The following RGS7BP variants were observed in gnomAD, a reference collection of about 807,000 sequenced individuals.
RGS7BP encodes regulator of G protein signaling 7-binding protein.
Under a neutral mutation model 31.3 loss-of-function variants are expected in RGS7BP, and 9 were observed. The observed-to-expected ratio is 0.29, with a 90% CI of 0.17 to 0.50. RGS7BP has a LOEUF of 0.50. Ranked by LOEUF, RGS7BP falls within the 20% of genes least tolerant of loss-of-function variation. The pLI, the probability that RGS7BP is intolerant of heterozygous loss-of-function variation, is 0.98. For synonymous variants in RGS7BP, 115 were observed against 120.1 expected (o/e 0.96, Z 0.28); for missense variants, 274 against 322.0 (o/e 0.85, Z 1.14).
intron 2 of RGS7BP, among the ~76,000 whole-genome samples, chr5:64,521,008 C>T (rs1326209508): frequency 6.6e-6 from 1 of 152,226 alleles, no homozygotes; most frequent in Non-Finnish European, 1.5e-5. Context: ...TCCGCAAGAG[C>T]TCCTGTTCTC....
At chr5:64,546,398 A>C (rs1199445101) in intron 2 of RGS7BP, among the ~76,000 whole-genome samples, 1 of 152,138 alleles carries the variant, frequency 6.6e-6, no homozygotes, top group African/African-American at 2.4e-5. Flanking sequence ...AGACAGCGTC[A>C]CAGAAGCAAG....
chr5:64,564,032 A>G (rs1742113053), intron 2 of RGS7BP, among the ~76,000 whole-genome samples: 1 of 152,176 alleles, frequency 6.6e-6, no homozygotes. Context: ...TGTTAGTGTT[A>G]GCATCACTCT....
chr5:64,534,066 A>G (rs1749442652), intron 2 of RGS7BP, among the ~76,000 whole-genome samples: 1 of 152,208 alleles, frequency 6.6e-6, no homozygotes, highest in Non-Finnish European at 1.5e-5. Context: ...TGGGTGGAGG[A>G]AAAGAGCAGC....
chr5:64,567,860 T>G (rs1008493258), intron 2 of RGS7BP, among the ~76,000 whole-genome samples: 44 of 152,284 alleles, frequency 2.9e-4, no homozygotes, highest in African/African-American at 1.0e-3. Context: ...TTCGATATAA[T>G]GAAAATTAAC....
In RGS7BP at chr5:64,599,280, A is replaced by G. The variant is rs547658997; in HGVS notation, c.682+845A>G. On this transcript the variant is annotated intron_variant, in intron 5 of 5. Coordinates refer to ENST00000334025, the MANE Select transcript of RGS7BP (RefSeq NM_001029875.3). The stretch of plus-strand genomic sequence containing the variant: ...CAGCCACAGGTGAAGTACCAACTTC[A>G]GAGGATGGTACATAGAGGTGGAGAA... Among the ~76,000 whole-genome samples, 9 of 152,348 alleles carry G rather than the reference A, an allele frequency of 5.9e-5. 1 individual carries two copies. The East Asian group carries it at 1.3e-3, about 23-fold the overall frequency.
intron 2 of RGS7BP, among the ~76,000 whole-genome samples, chr5:64,520,151 G>T (rs1749071374): frequency 6.6e-6 from 1 of 152,170 alleles, no homozygotes; most frequent in Admixed American, 6.5e-5. Flanking sequence ...CAAGATGTTT[G>T]GTGGAGCTGG....
intron 2 of RGS7BP, among the ~76,000 whole-genome samples, chr5:64,515,980 T>A (rs944662094): frequency 2.6e-5 from 4 of 152,000 alleles, no homozygotes; most frequent in Non-Finnish European, 5.9e-5. Flanking sequence ...TTTAAAAACT[T>A]ATTATAGAGA....
At chr5:64,603,292 C>T (rs1343066428) in intron 5 of RGS7BP, among the ~76,000 whole-genome samples, 1 of 152,120 alleles carries the variant, frequency 6.6e-6, no homozygotes, top group Non-Finnish European at 1.5e-5. Flanking sequence ...GAGTAAATAA[C>T]GATGTTGGTC....
At chr5:64,524,410 G>T (rs1749181668) in intron 2 of RGS7BP, among the ~76,000 whole-genome samples, 1 of 152,164 alleles carries the variant, frequency 6.6e-6, no homozygotes, top group Non-Finnish European at 1.5e-5. Context: ...AGAAATGTGG[G>T]TATTACCGCG....
At chr5:64,539,751 T>C (rs553846932) in intron 2 of RGS7BP, 5 of 152,336 alleles carry the variant, frequency 3.3e-5, no homozygotes, top group South Asian at 2.1e-4. Context: ...CACCTGTGAA[T>C]AGCCACTGCA....
At chr5:64,598,315 C>A (rs752166851) in intron 4 of RGS7BP, 50 bp from the exon 5 acceptor site, 2 of 1,089,866 alleles carry the variant, frequency 1.8e-6, no homozygotes, top group East Asian at 4.7e-5. Flanking sequence ...TTTGAGATTT[C>A]ATTTTGAAAA....
intron 2 of RGS7BP, among the ~76,000 whole-genome samples, chr5:64,529,157 C>CA (rs559336606): frequency 5.3e-4 from 80 of 151,520 alleles, no homozygotes; most frequent in African/African-American, 1.4e-3. Flanking sequence ...ATTTTAATAC[C>CA]AAAAAAAGAG....
intron 5 of RGS7BP, among the ~76,000 whole-genome samples, chr5:64,605,976 TA>T (rs1743347218): frequency 6.8e-6 from 1 of 146,280 alleles, no homozygotes; most frequent in East Asian, 2.0e-4. Flanking sequence ...TATATATGTA[TA>T]TCTGGATACA....
chr5:64,543,011 G>A (rs1741563544), intron 2 of RGS7BP, among the ~76,000 whole-genome samples: 1 of 152,094 alleles, frequency 6.6e-6, no homozygotes, highest in African/African-American at 2.4e-5. Context: ...CATACAAGGA[G>A]GCATATCTCC....
chr5:64,515,733 C>A (rs915319986), intron 2 of RGS7BP, among the ~76,000 whole-genome samples: 1 of 151,768 alleles, frequency 6.6e-6, no homozygotes, highest in African/African-American at 2.4e-5. Flanking sequence ...CACACACACA[C>A]ATATAATGCA....
At chr5:64,563,540 T>C (rs1383354142) in intron 2 of RGS7BP, among the ~76,000 whole-genome samples, 4 of 152,036 alleles carry the variant, frequency 2.6e-5, no homozygotes, top group Admixed American at 6.6e-5. Context: ...AGGATGATGC[T>C]TTTATAAGCC....
intron 3 of RGS7BP, among the ~76,000 whole-genome samples, chr5:64,594,229 C>T (rs1286581082): frequency 2.6e-5 from 4 of 152,138 alleles, no homozygotes; most frequent in Non-Finnish European, 5.9e-5. Flanking sequence ...CCTGCATGAT[C>T]CCTGCTGCAT....
At chr5:64,535,570 AG>A (rs1429225331) in intron 2 of RGS7BP, among the ~76,000 whole-genome samples, 1 of 152,354 alleles carries the variant, frequency 6.6e-6, no homozygotes, top group African/African-American at 2.4e-5. Flanking sequence ...AAAGAAAGAA[AG>A]GTTGATTATT....
In RGS7BP at chr5:64,547,278, T is replaced by C. The variant is rs543159404; in HGVS notation, c.333-28496T>C. ...AGAAACAAAATTCTGGAGCATAGGG[T>C]TGATATATATTTAACTCGAATAAAT... On this transcript the variant is annotated intron_variant, in intron 2 of 5. Coordinates refer to ENST00000334025, the MANE Select transcript of RGS7BP (RefSeq NM_001029875.3). Among the ~76,000 whole-genome samples, 44 of 152,304 alleles carry C rather than the reference T, an allele frequency of 2.9e-4. 1 individual carries two copies. The South Asian group carries it at 9.1e-3, about 32-fold the overall frequency.
Sources: allele counts gnomAD v4.1 joint callset (sites outside exome capture counted in the v4.1 genomes callset), GRCh38; gene constraint gnomAD v4.1.1; transcripts MANE v1.5; gene names NCBI Gene and HGNC (gene_info 2026-07-23, HGNC 2026-07-21).